The following ZNF827 variants were observed in gnomAD, a reference collection of about 807,000 sequenced individuals.
ZNF827 encodes the protein zinc finger protein 827.
Under a neutral mutation model 102.4 loss-of-function variants are expected in ZNF827, and 13 were observed. The ratio of observed to expected loss-of-function variants is 0.13; its 90% CI spans 0.08 to 0.20. ZNF827 has a LOEUF of 0.20. Ranked by LOEUF, ZNF827 falls within the 10% of genes least tolerant of loss-of-function variation. ZNF827 has a pLI of 1.00. For synonymous variants in ZNF827, 523 were observed against 536.2 expected (o/e 0.98, Z 0.34); for missense variants, 1,103 against 1,344.4 (o/e 0.82, Z 2.81).
chr4:145,806,643 T>A (rs888907084), intron 8 of ZNF827, among the ~76,000 whole-genome samples: 7 of 151,904 alleles, frequency 4.6e-5, no homozygotes, highest in Non-Finnish European at 8.8e-5. Flanking sequence ...TAAGGACAGG[T>A]TTGTCAGGAG....
intron 7 of ZNF827, among the ~76,000 whole-genome samples, chr4:145,835,580 T>C (rs146454864): frequency 0.026 from 3,411 of 129,538 alleles, no homozygotes; most frequent in Non-Finnish European, 0.041. Flanking sequence ...ATTGCCGCCC[T>C]TCTTCCCAAT....
chr4:145,932,256 T>A (rs1219485759), intron 1 of ZNF827, among the ~76,000 whole-genome samples: 1 of 152,250 alleles, frequency 6.6e-6, no homozygotes, highest in East Asian at 1.9e-4. Flanking sequence ...CACCTTGTCA[T>A]CTTTAAGTCC....
At chr4:145,856,870 G>T (rs1359150925) in intron 5 of ZNF827, among the ~76,000 whole-genome samples, 1 of 152,002 alleles carries the variant, frequency 6.6e-6, no homozygotes, top group Non-Finnish European at 1.5e-5. Context: ...TTTTCTGGTG[G>T]TTACACCAAT....
At chr4:145,936,943 C>T (rs1014948063) in intron 1 of ZNF827, among the ~76,000 whole-genome samples, 3 of 152,062 alleles carry the variant, frequency 2.0e-5, no homozygotes, top group East Asian at 3.9e-4. Context: ...ATTGACCCTC[C>T]GTCTCCCCCG....
At chr4:145,919,423 G>A (rs1011976058) in intron 1 of ZNF827, among the ~76,000 whole-genome samples, 6 of 152,164 alleles carry the variant, frequency 3.9e-5, no homozygotes, top group Non-Finnish European at 7.3e-5. Context: ...GAAAGGGAGA[G>A]CTCATTCCTG....
In ZNF827 at chr4:145,882,318, TCTGTCAGCC is replaced by T. The variant is rs142845133; in HGVS notation, c.1747+3351_1747+3359del. Among the ~76,000 whole-genome samples, 1,127 of 152,340 alleles carry T rather than the reference TCTGTCAGCC, an allele frequency of 7.4e-3. 13 individuals are homozygous for T. Among genetic ancestry groups the T allele is most frequent in the African/African-American group, 0.026 (1,066 of 41,566 alleles). Reference sequence around the variant, plus strand: ...GGGTGAAATCTACAAAATTCATTTTTCTGTCAGCCCTGAAAGCTGCCCATACTATTCCCT... The same window carrying T: ...GGGTGAAATCTACAAAATTCATTTTTCTGAAAGCTGCCCATACTATTCCCT... On this transcript the variant is annotated intron_variant, in intron 4 of 14. Coordinates refer to ENST00000508784, the MANE Select transcript of ZNF827 (RefSeq NM_001306215.2).
intron 8 of ZNF827, among the ~76,000 whole-genome samples, chr4:145,798,627 A>G (rs954543199): frequency 6.6e-6 from 1 of 152,176 alleles, no homozygotes; most frequent in African/African-American, 2.4e-5. Flanking sequence ...AGATCATGCC[A>G]TTGCACTCCA....
At position 145,903,229 on chromosome 4, in the gene ZNF827, A is replaced by G; in HGVS notation, c.44-14T>C. ...GCCTACTAACATCTGGGGAGAATTA[A>G]GAAGATCAGGTTTACTCCCAAAGTG... On this transcript the variant is annotated splice_polypyrimidine_tract_variant and intron_variant, in intron 1 of 14. Transcript: ENST00000508784. The G allele has an allele frequency of 6.3e-7, 1 of 1,593,354 alleles. No individual in the cohort carries two copies.
At chr4:145,764,374 G>T (rs1006779868) in intron 13 of ZNF827, among the ~76,000 whole-genome samples, 1 of 152,180 alleles carries the variant, frequency 6.6e-6, no homozygotes, top group Non-Finnish European at 1.5e-5. Context: ...CAGTACGTTT[G>T]ATATTAGTTG....
intron 2 of ZNF827, among the ~76,000 whole-genome samples, chr4:145,899,596 G>A (rs993469688): frequency 2.0e-5 from 3 of 152,292 alleles, no homozygotes; most frequent in East Asian, 3.9e-4. Context: ...GAACTTGAAC[G>A]TAGGATGGGC....
chr4:145,831,177 G>T (rs1188460740), intron 7 of ZNF827: 1 of 152,182 alleles, frequency 6.6e-6, no homozygotes, highest in East Asian at 1.9e-4. Flanking sequence ...GTGGACAAGA[G>T]TGCCCAAGAT....
In ZNF827 at chr4:145,760,854, C is replaced by T. The variant is rs932878477; in HGVS notation, c.*762G>A. 2.0e-5 allele frequency: 24 copies of T among 1,211,836 alleles called. No individual in the cohort carries two copies. Among genetic ancestry groups the T allele is most frequent in the Admixed American group, 3.2e-5 (1 of 31,250 alleles). 75.1% of individuals were successfully genotyped at this position (1,211,836 alleles called of 1,614,324 possible). ...GTTTGGGTGAGGGGATGCTGGGAGG[C>T]GCAGTCTGAGGTCGGGGAGGGTGGA... On this transcript the variant is annotated 3_prime_UTR_variant, in exon 15 of 15. Transcript: ENST00000508784.
rs1734572126 is a variant in ZNF827, at chr4:145,761,908, G to C, written c.*18-310C>G. On this transcript the variant is annotated intron_variant, in intron 14 of 14. Transcript: ENST00000508784. The surrounding 1 kb of genome is among the most constrained non-coding windows in gnomAD (Gnocchi z 6.8). ...AGAAAGTGCCAGGAATCAATTTGCT[G>C]GTGCTCCCCTCCAGCCCCCGCCCGG... Among the ~76,000 whole-genome samples the C allele has an allele frequency of 6.6e-6, 1 of 152,172 alleles. No individual in the cohort carries two copies.
At chr4:145,898,443 G>A (rs530304362) in intron 2 of ZNF827, among the ~76,000 whole-genome samples, 8 of 152,266 alleles carry the variant, frequency 5.3e-5, no homozygotes, top group African/African-American at 1.9e-4. Flanking sequence ...TTAAACAGGA[G>A]TCTGGCATCC....
chr4:145,885,685 C>T lies in ZNF827; in HGVS notation c.1740G>A (p.Lys580=). The T allele has an allele frequency of 6.6e-7, 1 of 1,517,800 alleles. No individual in the cohort carries two copies. Among genetic ancestry groups the T allele is most frequent in the Non-Finnish European group, 8.8e-7 (1 of 1,135,586 alleles). The allele number at this position is 1,517,800 out of a possible 1,614,324, so 94.0% of individuals were successfully genotyped here. ...ACAACCCTATTCAAGTACCTGACAGCTTCATGAGAAAATCAGACGCCATCT... is the reference window on the plus strand; with the variant it reads ...ACAACCCTATTCAAGTACCTGACAGTTTCATGAGAAAATCAGACGCCATCT... ...SVKMASDFLM[K]LSAANQKEPM... The change falls in exon 4 of 15, where the codon AAG becomes AAA. Residue 580 remains lysine (K), a synonymous_variant. Coordinates refer to ENST00000508784, the MANE Select transcript of ZNF827 (RefSeq NM_001306215.2).
intron 1 of ZNF827, among the ~76,000 whole-genome samples, chr4:145,916,208 C>A (rs1194388490): frequency 6.6e-6 from 1 of 152,202 alleles, no homozygotes; most frequent in Non-Finnish European, 1.5e-5. Context: ...TCAGCTCTGC[C>A]CCTCAGAAAG....
At chr4:145,896,527 G>A (rs1007469388) in intron 2 of ZNF827, among the ~76,000 whole-genome samples, 1 of 152,196 alleles carries the variant, frequency 6.6e-6, no homozygotes, top group Middle Eastern at 3.2e-3. Flanking sequence ...ATATAATTCA[G>A]TAAGTGTGTG....
chr4:145,792,832 TA>T (rs1039749123), intron 8 of ZNF827, among the ~76,000 whole-genome samples: 2 of 152,116 alleles, frequency 1.3e-5, no homozygotes, highest in Admixed American at 6.6e-5. Flanking sequence ...TAAATTAAAT[TA>T]AAAAATCAAT....
chr4:145,824,061 CT>C (rs905734324), intron 7 of ZNF827, among the ~76,000 whole-genome samples: 23 of 152,278 alleles, frequency 1.5e-4, no homozygotes, highest in African/African-American at 5.1e-4. Flanking sequence ...TGTGTTGGTT[CT>C]GATGGAGTTA....
Sources: gnomAD v4.1 joint callset for allele counts (sites outside exome capture counted in the v4.1 genomes callset) on GRCh38, gnomAD v4.1.1 for gene constraint, Gnocchi (gnomAD v3.1) non-coding constraint, MANE v1.5 for transcripts, NCBI Gene and HGNC (gene_info 2026-07-23, HGNC 2026-07-21) for gene names.